Variants in FRAS1 observed in about 807,000 individuals in gnomAD.
FRAS1 encodes the protein Fraser extracellular matrix complex subunit 1, also known as extracellular matrix organizing protein FRAS1.
A neutral mutation model predicts 435.2 loss-of-function variants in FRAS1; 290 were observed. The ratio of observed to expected loss-of-function variants is 0.67; its 90% confidence interval spans 0.61 to 0.73. FRAS1 has a LOEUF of 0.73. Among genes scored for constraint, FRAS1 ranks in the 30% least tolerant of loss-of-function variants. The pLI, the probability that FRAS1 is intolerant of heterozygous loss-of-function variation, is 0.00. For missense variants in FRAS1, 4,860 were observed against 5,001.5 expected, an observed-to-expected ratio of 0.97 and a Z score of 0.85; for synonymous variants, 1,800 against 1,851.0, an observed-to-expected ratio of 0.97 and a Z score of 0.71.
intron 66 of FRAS1, 63 bp from the exon 67 acceptor site, chr4:78,519,268 T>A (rs1258684813): frequency 9.4e-6 from 13 of 1,383,124 alleles, no homozygotes; most frequent in Non-Finnish European, 1.2e-5. Context: ...CAAGATGTGG[T>A]GATAGTATGT....
intron 9 of FRAS1, among the ~76,000 whole-genome samples, chr4:78,273,600 A>C (rs1004562224): frequency 6.6e-6 from 1 of 152,144 alleles, no homozygotes; most frequent in Non-Finnish European, 1.5e-5. Flanking sequence ...GGTTCTGTTT[A>C]TATGCTGGAT....
intron 19 of FRAS1, among the ~76,000 whole-genome samples, chr4:78,334,615 C>T (rs1049130773): frequency 4.6e-5 from 7 of 151,884 alleles, no homozygotes; most frequent in East Asian, 1.9e-4. Context: ...GTGATCCACC[C>T]GCCTCAGCCT....
chr4:78,300,224 T>C (rs76780956), intron 14 of FRAS1, among the ~76,000 whole-genome samples: 3,957 of 152,278 alleles, frequency 0.026, 177 homozygotes, highest in African/African-American at 0.089. Context: ...AACTATAATT[T>C]AGTACCAAGT....
At chr4:78,174,498 C>T (rs1380830766) in intron 2 of FRAS1, among the ~76,000 whole-genome samples, 1 of 152,136 alleles carries the variant, frequency 6.6e-6, no homozygotes, top group Non-Finnish European at 1.5e-5. Flanking sequence ...CTTTGTTTTC[C>T]TGTAACCAGG....
chr4:78,088,510 A>C, intron 2 of FRAS1, among the ~76,000 whole-genome samples: 1 of 152,116 alleles, frequency 6.6e-6, no homozygotes, highest in Non-Finnish European at 1.5e-5. Context: ...AACGGGAGAA[A>C]ATTTTTGCCA....
At chr4:78,322,667 G>T (rs114717578) in intron 18 of FRAS1, among the ~76,000 whole-genome samples, 1 of 152,164 alleles carries the variant, frequency 6.6e-6, no homozygotes, top group African/African-American at 2.4e-5. Context: ...AGTGCAGGAT[G>T]AAAAAACAAT....
chr4:78,161,710 C>T (rs192426731), intron 2 of FRAS1, among the ~76,000 whole-genome samples: 12 of 129,752 alleles, frequency 9.2e-5, no homozygotes, highest in Admixed American at 8.8e-4. Flanking sequence ...CCACTGTGCT[C>T]CAGCCTGGGC....
chr4:78,300,907 T>C (rs1057233661), intron 14 of FRAS1, among the ~76,000 whole-genome samples: 2 of 152,182 alleles, frequency 1.3e-5, no homozygotes, highest in African/African-American at 4.8e-5. Flanking sequence ...CCTTTTGATC[T>C]ATAGTTAGTC....
At chr4:78,097,687 C>A (rs144837072) in intron 2 of FRAS1, among the ~76,000 whole-genome samples, 198 of 152,234 alleles carry the variant, frequency 1.3e-3, no homozygotes, top group African/African-American at 4.5e-3. Context: ...AAAGACCTGC[C>A]CCCATCATTC....
intron 2 of FRAS1, among the ~76,000 whole-genome samples, chr4:78,230,273 G>A (rs1025656483): frequency 6.6e-6 from 1 of 152,180 alleles, no homozygotes; most frequent in Non-Finnish European, 1.5e-5. Context: ...TTTGAAATAG[G>A]TCTCAAACAG....
At chr4:78,451,691 C>A (rs926443835) in intron 45 of FRAS1, 81 bp from the exon 46 acceptor site, 1 of 1,162,640 alleles carries the variant, frequency 8.6e-7, no homozygotes, top group Non-Finnish European at 1.2e-6. Flanking sequence ...GTGTGAACAC[C>A]AATTGAATTC....
Position 78,181,835 on chromosome 4 carries a change from C to A in FRAS1, c.109-55675C>A, listed in dbSNP as rs1304602223. 9.9e-6 allele frequency: 16 copies of A among 1,612,072 alleles called. 1 individual carries two copies. The South Asian group carries it at 1.1e-4, about 11-fold the overall frequency. ...CTTGCGGTCTTTCTGGGACTCCTTG[C>A]GCAGCTGTTTGCCTGCCGCGTTGGA... On this transcript the variant is annotated intron_variant, in intron 2 of 73. Transcript: ENST00000512123.
At chr4:78,470,799 G>A (rs981467208) in intron 51 of FRAS1, among the ~76,000 whole-genome samples, 15 of 152,042 alleles carry the variant, frequency 9.9e-5, no homozygotes, top group African/African-American at 3.6e-4. Context: ...AGATACTGAG[G>A]GACAACTGTA....
At chr4:78,123,329 G>C (rs555124750) in intron 2 of FRAS1, among the ~76,000 whole-genome samples, 72 of 152,238 alleles carry the variant, frequency 4.7e-4, no homozygotes, top group African/African-American at 1.7e-3. Context: ...CGGATCCATT[G>C]GTCTATGTAT....
Position 78,252,498 on chromosome 4 carries a change from A to G in FRAS1, c.416A>G (p.Glu139Gly). The G allele has an allele frequency of 1.2e-6, 2 of 1,613,776 alleles. No homozygotes were observed. Among genetic ancestry groups the G allele is most frequent in the Non-Finnish European group, 1.7e-6 (2 of 1,179,824 alleles). Residue 139 changes from glutamate (E) to glycine (G), a missense_variant, in exon 5 of 74, where the codon GAG becomes GGG. Glu to Gly is a moderately conservative substitution (Grantham distance 98). Coordinates refer to ENST00000512123, the MANE Select transcript of FRAS1 (RefSeq NM_025074.7). ...PCPPLSCGHQ[E>G]LAFIPEGSCC... ...CCACCGCTGTCATGTGGACACCAGG[A>G]GCTGGCATTCATCCCTGAAGGAAGC...
intron 31 of FRAS1, 43 bp downstream of exon 31, chr4:78,407,884 A>G (rs181317814): frequency 1.3e-5 from 19 of 1,493,170 alleles, no homozygotes; most frequent in Middle Eastern, 1.8e-4. Context: ...GATGAATCCA[A>G]TAATCCAATC....
chr4:78,511,024 G>T (rs1048636986), intron 63 of FRAS1, among the ~76,000 whole-genome samples: 2 of 152,134 alleles, frequency 1.3e-5, no homozygotes, highest in Admixed American at 1.3e-4. Flanking sequence ...TTCATCTATG[G>T]GTTTGTGCTC....
At chr4:78,497,014 A>G (rs938276114) in intron 60 of FRAS1, 53 bp downstream of exon 60, 3 of 1,363,026 alleles carry the variant, frequency 2.2e-6, no homozygotes, top group African/African-American at 2.9e-5. Context: ...ACATAAACTG[A>G]TGTTTAACTA....
chr4:78,065,201 C>G (rs1474659032), intron 1 of FRAS1, among the ~76,000 whole-genome samples: 3 of 145,038 alleles, frequency 2.1e-5, no homozygotes, highest in African/African-American at 7.6e-5. Context: ...TGTGTATATA[C>G]TATATATGTA....
Sources: allele counts gnomAD v4.1 joint callset (sites outside exome capture counted in the v4.1 genomes callset), GRCh38; gene constraint gnomAD v4.1.1; transcripts MANE v1.5; gene names NCBI Gene and HGNC (gene_info 2026-07-23, HGNC 2026-07-21).